MIEF1: variants seen among roughly 807,000 people sequenced by gnomAD.
MIEF1 encodes mitochondrial dynamics protein MIEF1.
MIEF1 carries 14 observed loss-of-function variants against 35.1 expected under a neutral mutation model. That is an observed-to-expected ratio of 0.40 (90% CI 0.26 to 0.62). The LOEUF (loss-of-function observed/expected upper bound fraction) is 0.62. MIEF1 is among the 20% of genes least tolerant of loss of function. MIEF1 has a pLI of 0.43. For missense variants in MIEF1, 542 were observed against 615.4 expected (o/e 0.88, Z 1.26); for synonymous variants, 245 against 254.3 (o/e 0.96, Z 0.35).
chr22:39,500,374 G>A (rs921550517), upstream of MIEF1: 1 of 151,940 alleles, frequency 6.6e-6, no homozygotes, highest in African/African-American at 2.4e-5. Context: ...TGAAGAGCAA[G>A]TGGATCTAGA....
At chr22:39,507,601 C>T (rs530458141) in intron 2 of MIEF1, among the ~76,000 whole-genome samples, 21 of 151,548 alleles carry the variant, frequency 1.4e-4, no homozygotes, top group Admixed American at 4.6e-4. Flanking sequence ...TGTTGGCTCA[C>T]GCCTGTAATC....
At chr22:39,501,910 G>T (rs1929724080), upstream of MIEF1, 1 of 152,656 alleles carries the variant, frequency 6.6e-6, no homozygotes, top group Non-Finnish European at 1.5e-5. Context: ...GAGGAGCTCT[G>T]AATATTAGTG....
chr22:39,514,610 A>C lies in MIEF1; in HGVS notation c.*287A>C. The C allele has an allele frequency of 2.2e-6, 1 of 452,126 alleles. No homozygotes were observed. The highest frequency in any genetic ancestry group is 4.0e-6 in the Non-Finnish European group (1 of 250,116). The allele number at this position is 452,126 out of a possible 1,614,324, so 28.0% of individuals were successfully genotyped here. ...GTGGCGTGCTGGCCTGAGCTGATGGACCACTTGGTGTTTTGCGTTTTGGCC... is the reference window on the plus strand; with the variant it reads ...GTGGCGTGCTGGCCTGAGCTGATGGCCCACTTGGTGTTTTGCGTTTTGGCC... On this transcript the variant is annotated 3_prime_UTR_variant, in exon 6 of 6. Coordinates refer to ENST00000325301, the MANE Select transcript of MIEF1 (RefSeq NM_019008.6).
chr22:39,513,164 G>A (rs993906970), intron 5 of MIEF1, among the ~76,000 whole-genome samples: 8 of 149,912 alleles, frequency 5.3e-5, no homozygotes, highest in Non-Finnish European at 1.5e-5. Context: ...GCAGTGGCAC[G>A]ATCTTGGCTC....
At chr22:39,506,776 A>G (rs1930036908) in intron 2 of MIEF1, among the ~76,000 whole-genome samples, 1 of 152,242 alleles carries the variant, frequency 6.6e-6, no homozygotes, top group African/African-American at 2.4e-5. Context: ...GACAGGTTAA[A>G]TAACTTGCCT....
chr22:39,512,177 G>T, intron 4 of MIEF1, 55 bp from the exon 5 acceptor site: 1 of 1,584,428 alleles, frequency 6.3e-7, no homozygotes. Flanking sequence ...TGAGGCAGCT[G>T]TGGACTGAGC....
At position 39,514,068 on chromosome 22, in the gene MIEF1, C is replaced by T. The variant is rs987565346; in HGVS notation, c.1137C>T (p.His379=). 4 of 1,614,056 alleles carry T rather than the reference C, an allele frequency of 2.5e-6. No homozygotes were observed. Among genetic ancestry groups the T allele is most frequent in the African/African-American group, 2.7e-5 (2 of 74,946 alleles). Residue 379 remains histidine, a synonymous_variant, in exon 6 of 6, where the codon CAC becomes CAT. Coordinates refer to ENST00000325301, the MANE Select transcript of MIEF1 (RefSeq NM_019008.6). The part of the protein sequence containing the change: ...AICKSTPALG[H]LTASQLTNVI... ...GCAAGTCCACCCCGGCTCTGGGCCA[C>T]CTCACTGCCAGCCAGCTAACCAATG... is the stretch of plus-strand genomic sequence containing the variant.
At position 39,505,375 on chromosome 22, in the gene MIEF1, G is replaced by T. The variant is rs538022652; in HGVS notation, c.-8+841G>T. Among the ~76,000 whole-genome samples, 154 of 151,936 alleles carry T rather than the reference G, an allele frequency of 1.0e-3. 2 individuals carry two copies. The highest frequency in any genetic ancestry group is 2.7e-3 in the Admixed American group (41 of 15,274). ...AATTTTTTATTTATTTATTTTTTTT[G>T]TAGAGACGGTCTTGCTATGTTGCCC... On this transcript the variant is annotated intron_variant, in intron 2 of 5. Transcript: ENST00000325301.
In MIEF1 at chr22:39,515,512, C is replaced by T; in HGVS notation, c.*1189C>T. On this transcript the variant is annotated 3_prime_UTR_variant, in exon 6 of 6. Transcript: ENST00000325301. ...AGTGAGCATGCACGGACCTCTTCCCCCTGTCCTGTTTCTCACCCAGCACCT... is the reference window on the plus strand; with the variant it reads ...AGTGAGCATGCACGGACCTCTTCCCTCTGTCCTGTTTCTCACCCAGCACCT... 1.6e-6 allele frequency: 1 copy of T among 608,490 alleles called. No individual in the cohort carries two copies. Among genetic ancestry groups the T allele is most frequent in the African/African-American group, 1.9e-5 (1 of 54,030 alleles). The allele number at this position is 608,490 out of a possible 1,614,324, so 37.7% of individuals were successfully genotyped here. A position where few individuals can be genotyped will look rare whatever the true frequency, so the allele number is the denominator to read the frequency against.
rs746118182 is a variant in MIEF1, at chr22:39,512,315, C to T, written c.406C>T (p.Gln136Ter). The change falls in exon 5 of 6, where the codon CAG becomes TAG. Residue 136 changes from glutamine to a stop codon, truncating the protein, a stop_gained. Transcript: ENST00000325301. LOFTEE classifies it high-confidence loss of function. ...GAAGTCACGACTCCGCATGTCCCTGCAGGAGAAACTTCTTACTTACTACCG... is the reference window on the plus strand; with the variant it reads ...GAAGTCACGACTCCGCATGTCCCTGTAGGAGAAACTTCTTACTTACTACCG... ...LKKSRLRMSLQEKLLTYYRNR... is the reference protein window; with the variant it reads ...LKKSRLRMSL 4 of 1,614,242 alleles carry T rather than the reference C, an allele frequency of 2.5e-6. No homozygotes were observed. Among genetic ancestry groups the T allele is most frequent in the South Asian group, 1.1e-5 (1 of 91,090 alleles).
chr22:39,510,717 G>T (rs997029993), intron 2 of MIEF1, among the ~76,000 whole-genome samples: 1 of 152,236 alleles, frequency 6.6e-6, no homozygotes, highest in Non-Finnish European at 1.5e-5. Context: ...GAAATGACCT[G>T]CATTATAACC....
At position 39,515,567 on chromosome 22, in the gene MIEF1, C is replaced by T. The variant is rs973893240; in HGVS notation, c.*1244C>T. ...AGATCGGTGCTACCAAGGAAGAGAGCACACAGATAAGACAGAGGGGAGGAG... is the reference window on the plus strand; with the variant it reads ...AGATCGGTGCTACCAAGGAAGAGAGTACACAGATAAGACAGAGGGGAGGAG... On this transcript the variant is annotated 3_prime_UTR_variant, in exon 6 of 6. Transcript: ENST00000325301. The T allele has an allele frequency of 3.5e-6, 2 of 570,896 alleles. No individual in the cohort carries two copies. Among genetic ancestry groups the T allele is most frequent in the Non-Finnish European group, 3.1e-6 (1 of 321,950 alleles). The allele number at this position is 570,896 out of a possible 1,614,324, so 35.4% of individuals were successfully genotyped here.
upstream of MIEF1, chr22:39,502,250 G>A (rs1294108789): frequency 6.6e-6 from 1 of 152,488 alleles, no homozygotes. Flanking sequence ...GGCGGGGCCC[G>A]AGAGAGAGCT....
At chr22:39,511,235 G>A in intron 2 of MIEF1, 53 bp from the exon 3 acceptor site, 1 of 1,608,064 alleles carries the variant, frequency 6.2e-7, no homozygotes, top group South Asian at 1.1e-5. Context: ...TGTTAGGGGA[G>A]GGAGGTTCTT....
At chr22:39,509,787 C>T (rs1277279332) in intron 2 of MIEF1, among the ~76,000 whole-genome samples, 4 of 152,080 alleles carry the variant, frequency 2.6e-5, no homozygotes, top group Non-Finnish European at 4.4e-5. Context: ...CACATATGGA[C>T]GTGTAGTTTC....
chr22:39,513,962 C>T lies in MIEF1; in HGVS notation c.1031C>T (p.Ala344Val), dbSNP rs146649231. Residue 344 changes from alanine (A) to valine (V), a missense_variant, in exon 6 of 6, where the codon GCG becomes GTG. Ala to Val is a moderately conservative substitution (Grantham distance 64). Coordinates refer to ENST00000325301, the MANE Select transcript of MIEF1 (RefSeq NM_019008.6). ...DNLWRLSLRP[A>V]ETARLRALDQ... is the part of the protein sequence containing the mutation. ...CTGTGGCGGCTGAGCCTGCGTCCCGCGGAGACGGCACGCCTGCGGGCTCTG... is the reference window on the plus strand; with the variant it reads ...CTGTGGCGGCTGAGCCTGCGTCCCGTGGAGACGGCACGCCTGCGGGCTCTG... The T allele has an allele frequency of 1.0e-4, 167 of 1,613,038 alleles. No individual in the cohort carries two copies. Among genetic ancestry groups the T allele is most frequent in the Middle Eastern group, 1.6e-4 (1 of 6,084 alleles).
Position 39,515,142 on chromosome 22 carries a change from TCAGA to T in MIEF1, c.*826_*829del, listed in dbSNP as rs1444797610. 3.1e-6 allele frequency: 2 copies of T among 642,594 alleles called. No individual in the cohort carries two copies. Among genetic ancestry groups the T allele is most frequent in the African/African-American group, 1.8e-5 (1 of 55,080 alleles). 39.8% of individuals were successfully genotyped at this position (642,594 alleles called of 1,614,324 possible). On this transcript the variant is annotated 3_prime_UTR_variant, in exon 6 of 6. Transcript: ENST00000325301. Reference sequence around the variant, plus strand: ...TGCTCGTCATCTGTGGCTGCAGGGGTCAGACAGACAAGGATGGGGACTGCCAGGG... The same window carrying T: ...TGCTCGTCATCTGTGGCTGCAGGGGTCAGACAAGGATGGGGACTGCCAGGG...
At chr22:39,508,179 A>G (rs1217507045) in intron 2 of MIEF1, among the ~76,000 whole-genome samples, 1 of 152,236 alleles carries the variant, frequency 6.6e-6, no homozygotes, top group Non-Finnish European at 1.5e-5. Flanking sequence ...GGGGACCATT[A>G]TCCCCTTTTC....
chr22:39,512,049 C>T (rs375527126), intron 4 of MIEF1, 23 bp downstream of exon 4: 2 of 1,603,716 alleles, frequency 1.2e-6, no homozygotes, highest in South Asian at 1.1e-5. Context: ...GCTGCCCCTC[C>T]TGGGACCTCT....
Sources: allele counts gnomAD v4.1 joint callset (sites outside exome capture counted in the v4.1 genomes callset), GRCh38; gene constraint gnomAD v4.1.1; transcripts MANE v1.5; gene names NCBI Gene and HGNC (gene_info 2026-07-23, HGNC 2026-07-21).